The following GOLGA6L9 variants were observed in gnomAD, a reference collection of about 807,000 sequenced individuals.
GOLGA6L9 encodes the protein golgin A6 family like 9.
In GOLGA6L9, 19 loss-of-function variants were observed where a neutral mutation model predicts 51.3. The observed-to-expected ratio is 0.37, with a 90% confidence interval of 0.26 to 0.54. The LOEUF is 0.54. Among genes scored for constraint, GOLGA6L9 ranks in the 20% least tolerant of loss-of-function variants. The probability of loss-of-function intolerance (pLI) is 0.83; values close to 1 mark genes in which losing one functional copy is unlikely to be tolerated. For missense variants in GOLGA6L9, 247 were observed against 464.1 expected (o/e 0.53, Z 4.30); for synonymous variants, 97 against 184.2 (o/e 0.53, Z 3.83).
At position 82,436,497 on chromosome 15, in the gene GOLGA6L9, G is replaced by C. The variant is rs2031682605; in HGVS notation, c.*86G>C. The C allele has an allele frequency of 5.2e-6, 8 of 1,526,196 alleles. No individual in the cohort carries two copies. The highest frequency in any genetic ancestry group is 4.8e-5 in the South Asian group (4 of 82,540). 94.5% of individuals were successfully genotyped at this position (1,526,196 alleles called of 1,614,324 possible). A position where few individuals can be genotyped will look rare whatever the true frequency, so the allele number is the denominator to read the frequency against. ...ATTCATTTACTTCATTTGAATGTTAGAGCCACTTATGTTTGTGTTTCTAAT... is the reference window on the plus strand; with the variant it reads ...ATTCATTTACTTCATTTGAATGTTACAGCCACTTATGTTTGTGTTTCTAAT... On this transcript the variant is annotated 3_prime_UTR_variant, in exon 9 of 9. Coordinates refer to ENST00000618348, the MANE Select transcript of GOLGA6L9 (RefSeq NM_198181.4).
At chr15:82,416,163 G>T in the GOLGA6L9 span, among the ~76,000 whole-genome samples, 1 of 152,168 alleles carries the variant, frequency 6.6e-6, no homozygotes, top group Non-Finnish European at 1.5e-5. Flanking sequence ...TAGGTGAAGA[G>T]TAAGCGCAAT....
At chr15:82,428,276 CT>C (rs1595947702), upstream of GOLGA6L9, among the ~76,000 whole-genome samples, 1 of 141,568 alleles carries the variant, frequency 7.1e-6, no homozygotes. Context: ...TGTGAAGATA[CT>C]TTTTTAAAAC....
At chr15:82,418,079 A>G in the GOLGA6L9 span, among the ~76,000 whole-genome samples, 10,817 of 152,254 alleles carry the variant, frequency 0.071, 581 homozygotes, top group African/African-American at 0.13. Flanking sequence ...AGTGGGAAAG[A>G]CACTTGCTTG....
Position 82,432,810 on chromosome 15 carries a change from A to G in GOLGA6L9, c.265-7A>G, listed in dbSNP as rs1323724738. The stretch of plus-strand genomic sequence containing the variant: ...TCTCCAACTCCTTCTCTCTGCATGC[A>G]CCTCAGAGCCAGTACCAAGAACTAG... On this transcript the variant is annotated splice_polypyrimidine_tract_variant and splice_region_variant and intron_variant, in intron 3 of 8. Transcript: ENST00000618348. The G allele has an allele frequency of 6.2e-7, 1 of 1,611,502 alleles. No homozygotes were observed. Among genetic ancestry groups the G allele is most frequent in the African/African-American group, 1.3e-5 (1 of 74,582 alleles).
chr15:82,436,543 T>A lies in GOLGA6L9; in HGVS notation c.*132T>A. 1 of 1,222,992 alleles carries A rather than the reference T, an allele frequency of 8.2e-7. No homozygotes were observed. Among genetic ancestry groups the A allele is most frequent in the Non-Finnish European group, 1.1e-6 (1 of 900,086 alleles). The allele number at this position is 1,222,992 out of a possible 1,614,324, so 75.8% of individuals were successfully genotyped here. The stretch of plus-strand genomic sequence containing the variant: ...CTAATTTATAGTTTAAATTTATTTG[T>A]GTTTCTAATTTATAGTTTAAATTTA... On this transcript the variant is annotated 3_prime_UTR_variant, in exon 9 of 9. Transcript: ENST00000618348.
In GOLGA6L9 at chr15:82,432,530, G is replaced by A. The variant is rs1457170024; in HGVS notation, c.205-42G>A. On this transcript the variant is annotated intron_variant, in intron 2 of 8. Coordinates refer to ENST00000618348, the MANE Select transcript of GOLGA6L9 (RefSeq NM_198181.4). ...GGAAGTCAGAGGGCTTAGACAGTGA[G>A]GGGGGACAGAACATCTCCATGTGCA... The A allele has an allele frequency of 2.7e-5, 43 of 1,595,310 alleles. No individual in the cohort carries two copies. The African/African-American group carries it at 4.3e-4, about 16-fold the overall frequency.
the GOLGA6L9 span, among the ~76,000 whole-genome samples, chr15:82,417,902 T>TGA: frequency 3.3e-5 from 5 of 152,144 alleles, no homozygotes; most frequent in Non-Finnish European, 5.9e-5. Flanking sequence ...ATTTAAGGAG[T>TGA]GAGAGAGAGA....
chr15:82,434,242 G>A lies in GOLGA6L9; in HGVS notation c.642G>A (p.Arg214=). ...AGAGGCTACGTGAACAGGAGGAGAG[G>A]CTGTGTGAACAGGAGGAGAGGCTGT... is the stretch of plus-strand genomic sequence containing the variant. ...QEERLREQEE[R]LCEQEERLCE... The change falls in exon 6 of 9, where the codon AGG becomes AGA. Residue 214 remains arginine, a synonymous_variant. Transcript: ENST00000618348. 6.4e-7 allele frequency: 1 copy of A among 1,552,054 alleles called. No individual in the cohort carries two copies. The highest frequency in any genetic ancestry group is 8.6e-7 in the Non-Finnish European group (1 of 1,156,190).
the GOLGA6L9 span, among the ~76,000 whole-genome samples, chr15:82,417,297 C>G: frequency 2.6e-5 from 4 of 152,026 alleles, no homozygotes; most frequent in Non-Finnish European, 4.4e-5. Context: ...ATTTTTTTCC[C>G]TAGTATTCTT....
chr15:82,429,931 T>C lies in GOLGA6L9; in HGVS notation c.-149T>C. On this transcript the variant is annotated 5_prime_UTR_variant, in exon 1 of 9. Transcript: ENST00000618348. ...GGCCACGCCTCCTTTCCCTTTCATC[T>C]TTCTCACTGACCAATGGGCTTGGAA... 3.1e-6 allele frequency: 3 copies of C among 972,790 alleles called. No homozygotes were observed. Among genetic ancestry groups the C allele is most frequent in the Non-Finnish European group, 1.7e-6 (1 of 602,626 alleles). 60.3% of individuals were successfully genotyped at this position (972,790 alleles called of 1,614,324 possible).
At position 82,436,709 on chromosome 15, in the gene GOLGA6L9, C is replaced by G. The variant is rs1273426306; in HGVS notation, c.*298C>G. 41 of 203,354 alleles carry G rather than the reference C, an allele frequency of 2.0e-4. No individual in the cohort carries two copies. Among genetic ancestry groups the G allele is most frequent in the Non-Finnish European group, 3.1e-4 (33 of 104,968 alleles). 12.6% of individuals were successfully genotyped at this position (203,354 alleles called of 1,614,324 possible). ...CTTTCTCTCATGTTCACTCTGGCAT[C>G]TTTTAGCATTTCTTTAATTTGATAA... On this transcript the variant is annotated 3_prime_UTR_variant, in exon 9 of 9. Coordinates refer to ENST00000618348, the MANE Select transcript of GOLGA6L9 (RefSeq NM_198181.4).
upstream of GOLGA6L9, among the ~76,000 whole-genome samples, chr15:82,429,748 GTTTATT>G (rs2031337454): frequency 1.3e-5 from 2 of 152,234 alleles, no homozygotes; most frequent in South Asian, 2.1e-4. Flanking sequence ...ATTTTTTAAA[GTTTATT>G]TTTAACAGTT....
chr15:82,426,338 ATTTACC>A (rs2031211513), upstream of GOLGA6L9, among the ~76,000 whole-genome samples: 1 of 32,426 alleles, frequency 3.1e-5, no homozygotes, highest in African/African-American at 1.9e-4. Flanking sequence ...AAATGGGCTG[ATTTACC>A]TCAAGAGGCA....
At chr15:82,417,755 G>A in the GOLGA6L9 span, among the ~76,000 whole-genome samples, 1 of 152,162 alleles carries the variant, frequency 6.6e-6, no homozygotes. Context: ...AAGATCAAGT[G>A]TGGTGTTAAC....
At position 82,432,564 on chromosome 15, in the gene GOLGA6L9, T is replaced by G; in HGVS notation, c.205-8T>G. 6.2e-7 allele frequency: 1 copy of G among 1,602,614 alleles called. No individual in the cohort carries two copies. Among genetic ancestry groups the G allele is most frequent in the Non-Finnish European group, 8.5e-7 (1 of 1,179,482 alleles). ...GAACATCTCCATGTGCACTCTCATC[T>G]CTTGGAGTCAGCAACAGGTATCTAC... is the stretch of plus-strand genomic sequence containing the variant. On this transcript the variant is annotated splice_region_variant and splice_polypyrimidine_tract_variant and intron_variant, in intron 2 of 8. Coordinates refer to ENST00000618348, the MANE Select transcript of GOLGA6L9 (RefSeq NM_198181.4).
upstream of GOLGA6L9, among the ~76,000 whole-genome samples, chr15:82,427,618 C>T (rs1418258984): frequency 4.0e-5 from 6 of 151,540 alleles, no homozygotes; most frequent in East Asian, 9.8e-4. Flanking sequence ...CCTTGAACTC[C>T]TCGCCTCAAG....
rs2031779026 is a variant in GOLGA6L9 at position 82,438,178 on chromosome 15, A to G, written c.*1767A>G. The G allele has an allele frequency of 1.3e-5, 2 of 148,396 alleles. 1 individual carries two copies. 9.2% of individuals were successfully genotyped at this position (148,396 alleles called of 1,614,324 possible). On this transcript the variant is annotated 3_prime_UTR_variant, in exon 9 of 9. Transcript: ENST00000618348. ...TAAATTATTTCAAAGGTATTTTTAT[A>G]GTTCAAATCGCTTCACTTTTACCCT... is the stretch of plus-strand genomic sequence containing the variant.
At position 82,436,476 on chromosome 15, in the gene GOLGA6L9, A is replaced by AT; in HGVS notation, c.*68dup. ...AAGGGGTTAATATCCTACACAATTCATTTACTTCATTTGAATGTTAGAGCC... is the reference window on the plus strand; with the variant it reads ...AAGGGGTTAATATCCTACACAATTCATTTTACTTCATTTGAATGTTAGAGCC... On this transcript the variant is annotated 3_prime_UTR_variant, in exon 9 of 9. Transcript: ENST00000618348. The AT allele has an allele frequency of 1.3e-6, 2 of 1,537,466 alleles. No homozygotes were observed. The highest frequency in any genetic ancestry group is 8.8e-7 in the Non-Finnish European group (1 of 1,137,872).
At position 82,429,916 on chromosome 15, in the gene GOLGA6L9, C is replaced by G. The variant is rs1291113108; in HGVS notation, c.-164C>G. The G allele has an allele frequency of 2.2e-6, 2 of 894,932 alleles. No homozygotes were observed. Among genetic ancestry groups the G allele is most frequent in the Non-Finnish European group, 3.7e-6 (2 of 533,768 alleles). The allele number at this position is 894,932 out of a possible 1,614,324, so 55.4% of individuals were successfully genotyped here. On this transcript the variant is annotated 5_prime_UTR_variant, in exon 1 of 9. Coordinates refer to ENST00000618348, the MANE Select transcript of GOLGA6L9 (RefSeq NM_198181.4). Reference sequence around the variant, plus strand: ...GGACATGCTGCGCCTGGCCACGCCTCCTTTCCCTTTCATCTTTCTCACTGA... The same window carrying G: ...GGACATGCTGCGCCTGGCCACGCCTGCTTTCCCTTTCATCTTTCTCACTGA...
Sources: gnomAD v4.1 joint callset for allele counts (sites outside exome capture counted in the v4.1 genomes callset) on GRCh38, gnomAD v4.1.1 for gene constraint, MANE v1.5 for transcripts, NCBI Gene and HGNC (gene_info 2026-07-23, HGNC 2026-07-21) for gene names.